The following ZNF354B variants were observed in gnomAD, a reference collection of about 807,000 sequenced individuals.
ZNF354B encodes the protein zinc finger protein 354B.
Under a neutral mutation model 12.9 loss-of-function variants are expected in ZNF354B, and 10 were observed. The ratio of observed to expected loss-of-function variants is 0.77; its 90% CI spans 0.48 to 1.31. The LOEUF (loss-of-function observed/expected upper bound fraction) is 1.31, where lower values mean the gene tolerates loss of function less well. ZNF354B is among the 40% of genes most tolerant of loss of function. ZNF354B has a pLI of 0.00. For missense variants in ZNF354B, 614 were observed against 711.7 expected (o/e 0.86, Z 1.56); for synonymous variants, 260 against 243.7 (o/e 1.07, Z -0.62).
intron 4 of ZNF354B, among the ~76,000 whole-genome samples, chr5:178,880,538 C>T (rs1290374137): frequency 5.4e-5 from 8 of 149,250 alleles, no homozygotes; most frequent in Non-Finnish European, 1.2e-4. Flanking sequence ...GTCTCTTTGT[C>T]ACCCTGGCTG....
chr5:178,871,935 A>G (rs1050490987), intron 4 of ZNF354B, among the ~76,000 whole-genome samples: 1 of 152,206 alleles, frequency 6.6e-6, no homozygotes, highest in African/African-American at 2.4e-5. Context: ...TTAAGATAAT[A>G]GTAGATTTAT....
chr5:178,867,848 C>T (rs938136323), intron 4 of ZNF354B, among the ~76,000 whole-genome samples: 1 of 152,170 alleles, frequency 6.6e-6, no homozygotes, highest in African/African-American at 2.4e-5. Context: ...ATGTTATTTA[C>T]ATGTAACATT....
chr5:178,870,899 A>G (rs905862277), intron 4 of ZNF354B, among the ~76,000 whole-genome samples: 15 of 152,084 alleles, frequency 9.9e-5, no homozygotes, highest in Admixed American at 3.3e-4. Flanking sequence ...GCCTCAAGCA[A>G]TCCTCCCATG....
chr5:178,882,915 G>T lies in ZNF354B; in HGVS notation c.463G>T (p.Asp155Tyr). Reference sequence around the variant, plus strand: ...TGCCCATACAAAAATCCTTACTGTAGATAGAAGCCATAAAAATGTTGAATT... The same window carrying T: ...TGCCCATACAAAAATCCTTACTGTATATAGAAGCCATAAAAATGTTGAATT... The part of the protein sequence containing the change: ...SVAHTKILTV[D>Y]RSHKNVEFGQ... Residue 155 changes from aspartate to tyrosine, a missense_variant, in exon 5 of 5, where the codon GAT becomes TAT. Coordinates refer to ENST00000322434, the MANE Select transcript of ZNF354B (RefSeq NM_058230.3). 3 of 1,601,368 alleles carry T rather than the reference G, an allele frequency of 1.9e-6. No homozygotes were observed. Among genetic ancestry groups the T allele is most frequent in the Non-Finnish European group, 2.5e-6 (3 of 1,176,930 alleles).
intron 2 of ZNF354B, among the ~76,000 whole-genome samples, chr5:178,864,226 A>G (rs1757410803): frequency 6.6e-6 from 1 of 152,138 alleles, no homozygotes; most frequent in Non-Finnish European, 1.5e-5. Flanking sequence ...CAGGTGTACC[A>G]TTTCTTCTGT....
Position 178,884,828 on chromosome 5 carries a change from A to G in ZNF354B, c.*537A>G, listed in dbSNP as rs1450280318. The G allele has an allele frequency of 6.6e-6, 1 of 152,290 alleles. No homozygotes were observed. Among genetic ancestry groups the G allele is most frequent in the Non-Finnish European group, 1.5e-5 (1 of 68,142 alleles). 9.4% of individuals were successfully genotyped at this position (152,290 alleles called of 1,614,324 possible). On this transcript the variant is annotated 3_prime_UTR_variant, in exon 5 of 5. Transcript: ENST00000322434. ...CCTTCAATTTCCCAAAATGTGGAAA[A>G]CTCAACTGCATAATTTATGGTAGTG... is the stretch of plus-strand genomic sequence containing the variant.
chr5:178,867,764 GTTAGGAGGACACACC>G (rs1757485749), intron 4 of ZNF354B, among the ~76,000 whole-genome samples: 2 of 151,840 alleles, frequency 1.3e-5, no homozygotes, highest in South Asian at 4.1e-4. Context: ...AGAGAGAAAG[GTTAGGAGGACACACC>G]TTAGCTGGTG....
intron 4 of ZNF354B, among the ~76,000 whole-genome samples, chr5:178,873,854 A>G (rs1156580970): frequency 3.3e-5 from 5 of 151,964 alleles, no homozygotes; most frequent in African/African-American, 7.3e-5. Context: ...TAGTCTTCCA[A>G]TCTGTGAACA....
chr5:178,876,627 C>G (rs1757642556), intron 4 of ZNF354B, among the ~76,000 whole-genome samples: 1 of 152,320 alleles, frequency 6.6e-6, no homozygotes, highest in South Asian at 2.1e-4. Context: ...ATTTTCCTAT[C>G]TTAAACTTTG....
At chr5:178,876,450 A>G (rs1164302297) in intron 4 of ZNF354B, among the ~76,000 whole-genome samples, 1 of 152,226 alleles carries the variant, frequency 6.6e-6, no homozygotes, top group Non-Finnish European at 1.5e-5. Flanking sequence ...CTAGGGAAGT[A>G]CAGAGCTGCT....
chr5:178,883,283 A>G lies in ZNF354B; in HGVS notation c.831A>G (p.Lys277=). 1.2e-6 allele frequency: 2 copies of G among 1,613,434 alleles called. No individual in the cohort carries two copies. Among genetic ancestry groups the G allele is most frequent in the Non-Finnish European group, 1.7e-6 (2 of 1,179,812 alleles). ...EKPYICKECG[K]AFSHSASLCK... ...CCTATATATGTAAAGAATGTGGGAA[A>G]GCCTTCAGCCATAGTGCATCCCTTT... Residue 277 remains lysine, a synonymous_variant, in exon 5 of 5, where the codon AAA becomes AAG. Transcript: ENST00000322434.
chr5:178,866,921 T>G, intron 3 of ZNF354B, 55 bp from the exon 4 acceptor site: 1 of 1,547,520 alleles, frequency 6.5e-7, no homozygotes, highest in Non-Finnish European at 8.9e-7. Context: ...AAGGGATACT[T>G]TGTTGTGTCA....
intron 4 of ZNF354B, among the ~76,000 whole-genome samples, chr5:178,881,154 C>A (rs917700565): frequency 1.3e-5 from 2 of 152,072 alleles, no homozygotes; most frequent in African/African-American, 4.8e-5. Flanking sequence ...AACTCAAGAT[C>A]ATTTTTGTTT....
In ZNF354B at chr5:178,883,023, C is replaced by A. The variant is rs1439081426; in HGVS notation, c.571C>A (p.Gln191Lys). The part of the protein sequence containing the change: ...KEKTPSKCEI[Q>K]RNSFKQNSNL... ...AAAAACTCCATCAAAATGTGAAATA[C>A]AAAGAAATAGTTTCAAGCAGAATTC... The change falls in exon 5 of 5, where the codon CAA (glutamine) becomes AAA (lysine). Residue 191 changes from glutamine (Q) to lysine (K), a missense_variant. Coordinates refer to ENST00000322434, the MANE Select transcript of ZNF354B (RefSeq NM_058230.3). 1 of 1,607,414 alleles carries A rather than the reference C, an allele frequency of 6.2e-7. No individual in the cohort carries two copies. The highest frequency in any genetic ancestry group is 1.1e-5 in the South Asian group (1 of 88,522).
chr5:178,868,952 A>G (rs1458389758), intron 4 of ZNF354B, among the ~76,000 whole-genome samples: 1 of 150,454 alleles, frequency 6.6e-6, no homozygotes, highest in East Asian at 1.9e-4. Context: ...AGCCTTAGTG[A>G]CAGAGCAAGA....
chr5:178,880,145 G>A (rs992605329), intron 4 of ZNF354B, among the ~76,000 whole-genome samples: 4 of 151,974 alleles, frequency 2.6e-5, no homozygotes, highest in African/African-American at 9.7e-5. Flanking sequence ...AAACAAAAAA[G>A]TAGAATAATA....
intron 2 of ZNF354B, among the ~76,000 whole-genome samples, chr5:178,862,625 C>T (rs1327323031): frequency 6.6e-6 from 1 of 152,208 alleles, no homozygotes; most frequent in South Asian, 2.1e-4. Context: ...GCCACAGCCT[C>T]CCGGAGTGCT....
intron 4 of ZNF354B, among the ~76,000 whole-genome samples, chr5:178,869,327 CT>C (rs1298290258): frequency 1.3e-5 from 2 of 150,664 alleles, no homozygotes; most frequent in African/African-American, 4.9e-5. Flanking sequence ...ATAGCTTGAA[CT>C]TTTTTTTTTA....
chr5:178,861,657 T>A (rs990407049), intron 2 of ZNF354B, among the ~76,000 whole-genome samples: 4 of 121,356 alleles, frequency 3.3e-5, no homozygotes, highest in African/African-American at 1.1e-4. Context: ...GTCGCTTGAC[T>A]CGCAGGACAC....
Sources: gnomAD v4.1 joint callset for allele counts (sites outside exome capture counted in the v4.1 genomes callset) on GRCh38, gnomAD v4.1.1 for gene constraint, MANE v1.5 for transcripts, NCBI Gene and HGNC (gene_info 2026-07-23, HGNC 2026-07-21) for gene names.